The following ADGRF5 variants were observed in gnomAD, a reference collection of about 807,000 sequenced individuals.
ADGRF5 encodes adhesion G protein-coupled receptor F5.
A neutral mutation model predicts 132.3 loss-of-function variants in ADGRF5; 75 were observed. The observed-to-expected ratio is 0.57, with a 90% confidence interval of 0.47 to 0.69. The LOEUF is 0.69. Among genes scored for constraint, ADGRF5 ranks in the 30% least tolerant of loss-of-function variants. The pLI is 0.00. For synonymous variants in ADGRF5, 629 were observed against 597.6 expected (o/e 1.05, Z -0.77); for missense variants, 1,516 against 1,630.6 (o/e 0.93, Z 1.21).
chr6:46,858,032 G>A (rs1320872426), intron 17 of ADGRF5, 97 bp downstream of exon 17: 2 of 898,196 alleles, frequency 2.2e-6, no homozygotes, highest in Non-Finnish European at 3.4e-6. Flanking sequence ...CCTCTGGGCT[G>A]AAATCCTTCC....
intron 10 of ADGRF5, 72 bp downstream of exon 10, chr6:46,878,130 G>A (rs185608453): frequency 7.4e-5 from 70 of 941,208 alleles, no homozygotes; most frequent in Middle Eastern, 4.2e-4. Context: ...CCTTCCATAC[G>A]CCACATCTCC....
chr6:46,933,429 C>G (rs370090877), intron 1 of ADGRF5, among the ~76,000 whole-genome samples: 2 of 152,290 alleles, frequency 1.3e-5, no homozygotes, highest in East Asian at 3.9e-4. Flanking sequence ...TCTGTCTCCC[C>G]AGGTCCAAGT....
chr6:46,886,456 T>C (rs962109828), intron 4 of ADGRF5: 1 of 152,160 alleles, frequency 6.6e-6, no homozygotes, highest in South Asian at 2.1e-4. Flanking sequence ...TGTCTTCTGT[T>C]TTGTAAGGGA....
chr6:46,904,352 A>T (rs1277842968), intron 2 of ADGRF5, among the ~76,000 whole-genome samples: 7 of 152,214 alleles, frequency 4.6e-5, no homozygotes, highest in Admixed American at 3.9e-4. Flanking sequence ...GTACAATAGG[A>T]TATTATTCGG....
At position 46,865,217 on chromosome 6, in the gene ADGRF5, A is replaced by G; in HGVS notation, c.1835-20T>C. On this transcript the variant is annotated intron_variant, in intron 13 of 20. Transcript: ENST00000283296. Reference sequence around the variant, plus strand: ...CTTTTGCTGAAGACAGAATTATTGAAAGAATTAAGTCACAACATGAGTCTC... The same window carrying G: ...CTTTTGCTGAAGACAGAATTATTGAGAGAATTAAGTCACAACATGAGTCTC... 1 of 1,583,432 alleles carries G rather than the reference A, an allele frequency of 6.3e-7. No homozygotes were observed. Among genetic ancestry groups the G allele is most frequent in the South Asian group, 1.1e-5 (1 of 89,160 alleles).
chr6:46,893,453 C>T (rs1020716763), intron 3 of ADGRF5, among the ~76,000 whole-genome samples: 2 of 152,066 alleles, frequency 1.3e-5, no homozygotes, highest in African/African-American at 2.4e-5. Flanking sequence ...ACCCACATAG[C>T]GGTGGGGTCA....
chr6:46,872,122 T>C, intron 10 of ADGRF5, 109 bp from the exon 11 acceptor site: 1 of 734,280 alleles, frequency 1.4e-6, no homozygotes, highest in Non-Finnish European at 2.1e-6. Context: ...TTTAAATAGA[T>C]TTCTTCTCTG....
chr6:46,873,335 T>C (rs983516584), intron 10 of ADGRF5, among the ~76,000 whole-genome samples: 3 of 152,150 alleles, frequency 2.0e-5, no homozygotes, highest in Admixed American at 6.6e-5. Flanking sequence ...CATCAAGTCT[T>C]TGCGATTGGC....
At chr6:46,912,586 A>T (rs183048840) in intron 1 of ADGRF5, among the ~76,000 whole-genome samples, 1 of 152,260 alleles carries the variant, frequency 6.6e-6, no homozygotes, top group Non-Finnish European at 1.5e-5. Context: ...GGCAATAGAG[A>T]GTAGAGAAGG....
intron 17 of ADGRF5, among the ~76,000 whole-genome samples, chr6:46,857,879 A>G (rs1562135232): frequency 1.3e-5 from 2 of 152,224 alleles, no homozygotes; most frequent in Non-Finnish European, 2.9e-5. Context: ...TACTAGTGTA[A>G]TCAGTGTATT....
Position 46,852,534 on chromosome 6 carries a change from A to T in ADGRF5, c.*1458T>A, listed in dbSNP as rs1242458992. 6.6e-6 allele frequency: 1 copy of T among 152,136 alleles called. No homozygotes were observed. Among genetic ancestry groups the T allele is most frequent in the Non-Finnish European group, 1.5e-5 (1 of 68,042 alleles). 9.4% of individuals were successfully genotyped at this position (152,136 alleles called of 1,614,324 possible). ...TGTCTCATTCTCCTTTTGGGATCGG[A>T]CTTTTATTTGCAATGTAGCGTTGCT... On this transcript the variant is annotated 3_prime_UTR_variant, in exon 21 of 21. Coordinates refer to ENST00000283296, the MANE Select transcript of ADGRF5 (RefSeq NM_001098518.2).
intron 1 of ADGRF5, among the ~76,000 whole-genome samples, chr6:46,917,224 T>C (rs1477583729): frequency 6.6e-6 from 1 of 152,190 alleles, no homozygotes; most frequent in African/African-American, 2.4e-5. Flanking sequence ...AGTGGCCAAG[T>C]TTGTCTCCAA....
chr6:46,910,278 G>A (rs115318613), intron 1 of ADGRF5, among the ~76,000 whole-genome samples: 1 of 152,128 alleles, frequency 6.6e-6, no homozygotes, highest in Non-Finnish European at 1.5e-5. Flanking sequence ...ATTGCTGGTG[G>A]TTATTAATTG....
At chr6:46,911,900 T>C (rs994913534) in intron 1 of ADGRF5, among the ~76,000 whole-genome samples, 4 of 152,144 alleles carry the variant, frequency 2.6e-5, no homozygotes, top group African/African-American at 7.2e-5. Context: ...ACTCAATTCA[T>C]TGTTTAACTA....
chr6:46,905,941 T>G (rs1269384001), intron 2 of ADGRF5, among the ~76,000 whole-genome samples: 1 of 152,214 alleles, frequency 6.6e-6, no homozygotes, highest in Non-Finnish European at 1.5e-5. Flanking sequence ...TTAGCATCAT[T>G]GTACAGATGA....
chr6:46,856,016 A>T lies in ADGRF5; in HGVS notation c.3919T>A (p.Ser1307Thr). 1 of 1,603,682 alleles carries T rather than the reference A, an allele frequency of 6.2e-7. No individual in the cohort carries two copies. Among genetic ancestry groups the T allele is most frequent in the Non-Finnish European group, 8.5e-7 (1 of 1,172,446 alleles). ...GSSTPVFSMS[S>T]PISRRFNNLF... ...TTGTTAAATCTCCTTGATATTGGAG[A>T]ACTCATAGAAAACACAGGTGTGGAT... is the stretch of plus-strand genomic sequence containing the variant. The change falls in exon 20 of 21, where the codon TCT becomes ACT. Residue 1307 changes from serine (S) to threonine (T), a missense_variant. Physicochemically the swap from Ser to Thr is moderately conservative, Grantham distance 58. Transcript: ENST00000283296.
At chr6:46,858,089 G>A (rs1230885020) in intron 17 of ADGRF5, 40 bp downstream of exon 17, 3 of 1,434,170 alleles carry the variant, frequency 2.1e-6, no homozygotes, top group South Asian at 1.3e-5. Flanking sequence ...TGTCCTACAG[G>A]AATAAAATCT....
intron 3 of ADGRF5, among the ~76,000 whole-genome samples, chr6:46,892,159 C>T (rs1368300656): frequency 4.6e-3 from 1 of 218 alleles, no homozygotes; most frequent in East Asian, 0.25. Flanking sequence ...CACAAATACA[C>T]ACACACACAC....
At chr6:46,906,561 T>C in intron 2 of ADGRF5, 100 bp downstream of exon 2, 1 of 707,406 alleles carries the variant, frequency 1.4e-6, no homozygotes, top group East Asian at 2.5e-5. Flanking sequence ...TTTCTCCCCC[T>C]AAAGTTTTTT....
Sources: gnomAD v4.1 joint callset for allele counts (sites outside exome capture counted in the v4.1 genomes callset) on GRCh38, gnomAD v4.1.1 for gene constraint, MANE v1.5 for transcripts, NCBI Gene and HGNC (gene_info 2026-07-23, HGNC 2026-07-21) for gene names.